Variants in PITX1 observed in about 807,000 individuals in gnomAD.
PITX1 encodes the protein pituitary homeobox 1.
In PITX1, 5 loss-of-function variants were observed where a neutral mutation model predicts 24.1. The ratio of observed to expected loss-of-function variants is 0.21; its 90% CI spans 0.11 to 0.44. The LOEUF (loss-of-function observed/expected upper bound fraction) is 0.44, where lower values mean the gene tolerates loss of function less well. Among genes scored for constraint, PITX1 ranks in the 20% least tolerant of loss-of-function variants. PITX1 has a pLI of 0.99. For missense variants in PITX1, 401 were observed against 455.4 expected (o/e 0.88, Z 1.09); for synonymous variants, 213 against 208.9 (o/e 1.02, Z -0.17).
upstream of PITX1, chr5:135,034,414 G>T (rs1406059972): frequency 1.0e-5 from 1 of 95,340 alleles, no homozygotes; most frequent in Non-Finnish European, 2.2e-5. Context: ...TGCCTCGCCC[G>T]CGCCCTCCCC....
chr5:135,029,394 T>G (rs1416460730), intron 2 of PITX1, 73 bp from the exon 3 acceptor site: 2 of 1,321,268 alleles, frequency 1.5e-6, no homozygotes, highest in Admixed American at 4.5e-5. Flanking sequence ...CCCCACCGCC[T>G]GGAGCCTTCC....
In PITX1 at chr5:135,027,758, T is replaced by A. The variant is rs2149558380; in HGVS notation, c.*1021A>T. 6.5e-6 allele frequency: 1 copy of A among 152,984 alleles called. No individual in the cohort carries two copies. The highest frequency in any genetic ancestry group is 1.9e-4 in the East Asian group (1 of 5,324). The allele number at this position is 152,984 out of a possible 1,614,324, so 9.5% of individuals were successfully genotyped here. A position where few individuals can be genotyped will look rare whatever the true frequency, so the allele number is the denominator to read the frequency against. On this transcript the variant is annotated 3_prime_UTR_variant, in exon 3 of 3. Transcript: ENST00000265340. ...GTGCTTAGCACGCTCGGACTATGGT[T>A]TTAATAGACGTACATGGACAAGTCG...
Position 135,028,740 on chromosome 5 carries a change from C to A in PITX1, c.*39G>T. The A allele has an allele frequency of 6.8e-7, 1 of 1,464,644 alleles. No individual in the cohort carries two copies. The allele number at this position is 1,464,644 out of a possible 1,614,324, so 90.7% of individuals were successfully genotyped here. On this transcript the variant is annotated 3_prime_UTR_variant, in exon 3 of 3. Coordinates refer to ENST00000265340, the MANE Select transcript of PITX1 (RefSeq NM_002653.5). ...CTCCGCGCCCGCGCCCGCGCCCTTCCCCGCTCCGGCCGCCGGCCCGCGTGG... is the reference window on the plus strand; with the variant it reads ...CTCCGCGCCCGCGCCCGCGCCCTTCACCGCTCCGGCCGCCGGCCCGCGTGG...
chr5:135,034,339 C>A (rs1318384890), upstream of PITX1: 1 of 151,554 alleles, frequency 6.6e-6, no homozygotes, highest in Non-Finnish European at 1.5e-5. Context: ...CGAGGGAGCG[C>A]GGGCGGAATC....
In PITX1 at chr5:135,028,690, T is replaced by G. The variant is rs1752393584; in HGVS notation, c.*89A>C. 1 of 933,988 alleles carries G rather than the reference T, an allele frequency of 1.1e-6. No homozygotes were observed. Among genetic ancestry groups the G allele is most frequent in the South Asian group, 4.1e-5 (1 of 24,438 alleles). 57.9% of individuals were successfully genotyped at this position (933,988 alleles called of 1,614,324 possible). ...GTCCGCGGCGCGGTGAGCTGGGGCT[T>G]GCGAGCCGGGGCCCCGCGTGCGTCC... On this transcript the variant is annotated 3_prime_UTR_variant, in exon 3 of 3. Transcript: ENST00000265340.
Position 135,033,771 on chromosome 5 carries a change from G to A in PITX1, c.111C>T (p.Ala37=), listed in dbSNP as rs1186785245. 1 of 1,588,578 alleles carries A rather than the reference G, an allele frequency of 6.3e-7. No individual in the cohort carries two copies. Among genetic ancestry groups the A allele is most frequent in the African/African-American group, 1.4e-5 (1 of 73,224 alleles). ...AGTTCTCGAGCGGCTCGCGGGGGTC[G>A]GCGGGCCGGGCCAGGTGGAAGGCGG... ...MGPAFHLARP[A]DPREPLENSA... Residue 37 remains alanine (A), a synonymous_variant, in exon 1 of 3, where the codon GCC becomes GCT. Transcript: ENST00000265340. This position sits in a 1 kb window ranked among gnomAD's most constrained non-coding sequence, Gnocchi z 5.9.
At chr5:135,032,880 AG>A (rs771591966) in intron 1 of PITX1, 2 of 391,924 alleles carry the variant, frequency 5.1e-6, no homozygotes, top group South Asian at 3.5e-5. Flanking sequence ...CTGTGTATTA[AG>A]AAATGAACGC....
upstream of PITX1, chr5:135,034,455 C>G (rs1029517674): frequency 6.6e-6 from 1 of 152,244 alleles, no homozygotes; most frequent in East Asian, 2.0e-4. Context: ...CGCCTCCCCG[C>G]CCCCCGCGGC....
intron 1 of PITX1, 79 bp from the exon 2 acceptor site, chr5:135,031,587 G>T: frequency 1.7e-6 from 2 of 1,181,288 alleles, no homozygotes; most frequent in Non-Finnish European, 2.4e-6. Flanking sequence ...CGAACCGCTC[G>T]CCACCAGCGC....
intron 1 of PITX1, among the ~76,000 whole-genome samples, chr5:135,032,686 A>G (rs1752476022): frequency 6.6e-6 from 1 of 152,272 alleles, no homozygotes; most frequent in Non-Finnish European, 1.5e-5. Context: ...AAAAATCAAT[A>G]TACGATTATA....
intron 1 of PITX1, 134 bp from the exon 2 acceptor site, chr5:135,031,642 G>A: frequency 1.4e-6 from 1 of 731,506 alleles, no homozygotes; most frequent in Non-Finnish European, 2.2e-6. Flanking sequence ...CCTGGGAACT[G>A]TCCCCACTGG....
intron 2 of PITX1, among the ~76,000 whole-genome samples, chr5:135,029,992 T>C (rs900530121): frequency 6.6e-6 from 1 of 151,306 alleles, no homozygotes; most frequent in African/African-American, 2.4e-5. Context: ...TGATTCTTTT[T>C]CTCAAATACC....
At chr5:135,031,799 T>C in intron 1 of PITX1, 1 of 536,158 alleles carries the variant, frequency 1.9e-6, no homozygotes, top group Non-Finnish European at 3.3e-6. Flanking sequence ...ATTCTGACCC[T>C]GCTGCTGATG....
chr5:135,034,492 G>A (rs560339022), upstream of PITX1: 200 of 144,860 alleles, frequency 1.4e-3, 1 homozygote, highest in Non-Finnish European at 1.9e-3. Flanking sequence ...CTCCTTCCCC[G>A]GTGACACACC....
rs1752447129 is a variant in PITX1, at chr5:135,031,462, C to T, written c.216G>A (p.Ala72=). ...GEPKGPEDSG[A]GGTGCGGADD... ...CTGCGCCGCCGCAGCCCGTGCCTCC[C>T]GCACCACTGTCCTCGGGCCCCTTGG... is the stretch of plus-strand genomic sequence containing the variant. Residue 72 remains alanine, a synonymous_variant, in exon 2 of 3, where the codon GCG becomes GCA. Transcript: ENST00000265340. The T allele has an allele frequency of 6.2e-7, 1 of 1,613,776 alleles. No homozygotes were observed. Among genetic ancestry groups the T allele is most frequent in the East Asian group, 2.2e-5 (1 of 44,864 alleles).
In PITX1 at chr5:135,029,303, G is replaced by T. The variant is rs371250970; in HGVS notation, c.421C>A (p.Arg141=). The T allele has an allele frequency of 8.1e-6, 13 of 1,599,080 alleles. No homozygotes were observed. Among genetic ancestry groups the T allele is most frequent in the East Asian group, 6.7e-5 (3 of 44,708 alleles). The change falls in exon 3 of 3, where the codon CGA becomes AGA. Residue 141 remains arginine (R), a synonymous_variant. Transcript: ENST00000265340. ...CGCTCGCGCTTACGCCACTTGGCTCGCCGGTTCTTGAACCAGACCTGGGGG... is the reference window on the plus strand; with the variant it reads ...CGCTCGCGCTTACGCCACTTGGCTCTCCGGTTCTTGAACCAGACCTGGGGG... ...PRVRVWFKNR[R]AKWRKRERNQ...
chr5:135,032,819 T>C lies in PITX1; in HGVS notation c.169+894A>G, dbSNP rs959319391. 1.5e-5 allele frequency: 5 copies of C among 322,876 alleles called. No homozygotes were observed. The Admixed American group carries it at 2.2e-4, about 14-fold the overall frequency. The allele number at this position is 322,876 out of a possible 1,614,324, so 20.0% of individuals were successfully genotyped here. A position where few individuals can be genotyped will look rare whatever the true frequency, so the allele number is the denominator to read the frequency against. On this transcript the variant is annotated intron_variant, in intron 1 of 2. Coordinates refer to ENST00000265340, the MANE Select transcript of PITX1 (RefSeq NM_002653.5). The stretch of plus-strand genomic sequence containing the variant: ...CAAACAACCTCTCAGAAAAATCACT[T>C]AGGGATGCAAAAGAGAAACAGATAC...
At chr5:135,032,988 C>T (rs1305875017) in intron 1 of PITX1, 1 of 449,004 alleles carries the variant, frequency 2.2e-6, no homozygotes. Context: ...GCGCCGGCCA[C>T]CCGCGGGCCC....
In PITX1 at chr5:135,033,037, A is replaced by G; in HGVS notation, c.169+676T>C. The G allele has an allele frequency of 2.2e-6, 1 of 448,662 alleles. No homozygotes were observed. Among genetic ancestry groups the G allele is most frequent in the Non-Finnish European group, 4.5e-6 (1 of 223,646 alleles). 27.8% of individuals were successfully genotyped at this position (448,662 alleles called of 1,614,324 possible). Reference sequence around the variant, plus strand: ...AAAAAAGCTCCAGCTCGGACAAAAAAAGGCAGCGCGGAGGGAGACGCGCAG... The same window carrying G: ...AAAAAAGCTCCAGCTCGGACAAAAAGAGGCAGCGCGGAGGGAGACGCGCAG... On this transcript the variant is annotated intron_variant, in intron 1 of 2. Coordinates refer to ENST00000265340, the MANE Select transcript of PITX1 (RefSeq NM_002653.5). The surrounding 1 kb of genome is among the most constrained non-coding windows in gnomAD (Gnocchi z 5.9).
Sources: gnomAD v4.1 joint callset for allele counts (sites outside exome capture counted in the v4.1 genomes callset) on GRCh38, gnomAD v4.1.1 for gene constraint, Gnocchi (gnomAD v3.1) non-coding constraint, MANE v1.5 for transcripts, NCBI Gene and HGNC (gene_info 2026-07-23, HGNC 2026-07-21) for gene names.